SNTN: variants seen among roughly 807,000 people sequenced by gnomAD.
SNTN encodes sentan.
Under a neutral mutation model 12.3 loss-of-function variants are expected in SNTN, and 13 were observed. The ratio of observed to expected loss-of-function variants is 1.05; its 90% CI spans 0.69 to 1.67. SNTN has a LOEUF of 1.67. Among genes scored for constraint, SNTN ranks in the 40% most tolerant of loss-of-function variants. The pLI is 0.00. For synonymous variants in SNTN, 69 were observed against 58.5 expected (o/e 1.18, Z -0.82); for missense variants, 189 against 169.8 (o/e 1.11, Z -0.63).
intron 2 of SNTN, 40 bp from the exon 3 acceptor site, chr3:63,659,685 C>T: frequency 6.2e-7 from 1 of 1,611,476 alleles, no homozygotes; most frequent in Non-Finnish European, 8.5e-7. Context: ...AGGGTTATTT[C>T]TAACTCAGGA....
At chr3:63,654,898 A>G in intron 2 of SNTN, 102 bp downstream of exon 2, 1 of 1,060,686 alleles carries the variant, frequency 9.4e-7, no homozygotes, top group Non-Finnish European at 1.4e-6. Context: ...CCAGAGATGT[A>G]AGGGAACTTT....
intron 3 of SNTN, chr3:63,663,616 G>A: frequency 3.1e-6 from 1 of 324,586 alleles, no homozygotes; most frequent in Admixed American, 4.5e-5. Context: ...GTTACCACAA[G>A]AGCTGGTTGT....
At chr3:63,653,573 C>A in intron 1 of SNTN, among the ~76,000 whole-genome samples, 1 of 152,130 alleles carries the variant, frequency 6.6e-6, no homozygotes, top group Admixed American at 6.5e-5. Flanking sequence ...AGATCCTGAA[C>A]CCAAAAGTTC....
chr3:63,658,176 G>A (rs933897610), intron 2 of SNTN, among the ~76,000 whole-genome samples: 9 of 151,864 alleles, frequency 5.9e-5, no homozygotes, highest in Admixed American at 3.3e-4. Context: ...GAGACTTCAC[G>A]TATCCAGCTT....
At position 63,663,928 on chromosome 3, in the gene SNTN, T is replaced by C. The variant is rs763409940; in HGVS notation, c.286-9T>C. 3.1e-6 allele frequency: 5 copies of C among 1,608,196 alleles called. No homozygotes were observed. The highest frequency in any genetic ancestry group is 4.2e-6 in the Non-Finnish European group (5 of 1,178,280). On this transcript the variant is annotated splice_polypyrimidine_tract_variant and intron_variant, in intron 3 of 3. Transcript: ENST00000343837. Reference sequence around the variant, plus strand: ...AACGAATTCGGTTTTTATTTCTCCATTCTCACAGGGACAAGAAACCAAGCC... The same window carrying C: ...AACGAATTCGGTTTTTATTTCTCCACTCTCACAGGGACAAGAAACCAAGCC...
intron 3 of SNTN, among the ~76,000 whole-genome samples, chr3:63,660,958 C>G (rs1700737543): frequency 6.6e-6 from 1 of 152,108 alleles, no homozygotes; most frequent in Non-Finnish European, 1.5e-5. Context: ...CATTGAATAC[C>G]ATATTTAGTA....
chr3:63,659,814 A>T lies in SNTN; in HGVS notation c.235A>T (p.Lys79Ter). 1 of 1,614,048 alleles carries T rather than the reference A, an allele frequency of 6.2e-7. No individual in the cohort carries two copies. Among genetic ancestry groups the T allele is most frequent in the Non-Finnish European group, 8.5e-7 (1 of 1,179,942 alleles). The change falls in exon 3 of 4, where the codon AAA (lysine) becomes TAA (stop). Residue 79 changes from lysine to a stop codon, truncating the protein, a stop_gained. Coordinates refer to ENST00000343837, the MANE Select transcript of SNTN (RefSeq NM_001080537.2). LOFTEE classifies it high-confidence loss of function. ...NSSDSDGKLE[K>*]AIAKDLLQTQ... ...TTCTGACTCTGATGGTAAACTTGAA[A>T]AAGCTATTGCCAAAGATCTGCTGCA...
intron 2 of SNTN, among the ~76,000 whole-genome samples, chr3:63,659,389 T>C (rs951268101): frequency 6.6e-6 from 1 of 152,218 alleles, no homozygotes; most frequent in African/African-American, 2.4e-5. Flanking sequence ...GCCTCGTCCA[T>C]AGTACATGCT....
chr3:63,657,134 A>G (rs1157623365), intron 2 of SNTN, among the ~76,000 whole-genome samples: 1 of 152,204 alleles, frequency 6.6e-6, no homozygotes, highest in African/African-American at 2.4e-5. Flanking sequence ...GAACTATCAC[A>G]GGGCCTGGTA....
Position 63,652,786 on chromosome 3 carries a change from A to G in SNTN, c.99A>G (p.Lys33=), listed in dbSNP as rs1230996985. Reference sequence around the variant, plus strand: ...CAACATCCACCTGCGCACCTAGGAAAATGCCCAAAAGGTCAGTGGCACTTG... The same window carrying G: ...CAACATCCACCTGCGCACCTAGGAAGATGCCCAAAAGGTCAGTGGCACTTG... ...AAPTSTCAPR[K]MPKRISISKQ... Residue 33 remains lysine (K), a synonymous_variant, in exon 1 of 4, where the codon AAA becomes AAG. Transcript: ENST00000343837. The G allele has an allele frequency of 1.9e-6, 3 of 1,613,986 alleles. No individual in the cohort carries two copies. The highest frequency in any genetic ancestry group is 4.5e-5 in the East Asian group (2 of 44,870).
chr3:63,663,842 A>T, intron 3 of SNTN, 95 bp from the exon 4 acceptor site: 1 of 1,449,244 alleles, frequency 6.9e-7, no homozygotes, highest in Non-Finnish European at 9.6e-7. Context: ...GTATTCTATT[A>T]CAGCAACACT....
chr3:63,659,938 C>A, intron 3 of SNTN, 74 bp downstream of exon 3: 1 of 1,544,300 alleles, frequency 6.5e-7, no homozygotes. Context: ...ATAACTCCAG[C>A]TCCAGGTCCC....
Position 63,664,212 on chromosome 3 carries a change from T to A in SNTN, c.*117T>A. The stretch of plus-strand genomic sequence containing the variant: ...ATGCATCTGAAATTGCCTAGGATGG[T>A]TCTGATTGCTGGTATTCAGATCCAA... On this transcript the variant is annotated 3_prime_UTR_variant, in exon 4 of 4. Transcript: ENST00000343837. 3 of 999,724 alleles carry A rather than the reference T, an allele frequency of 3.0e-6. No homozygotes were observed. The highest frequency in any genetic ancestry group is 4.3e-6 in the Non-Finnish European group (3 of 699,274). 61.9% of individuals were successfully genotyped at this position (999,724 alleles called of 1,614,324 possible).
rs1221087815 is a variant in SNTN at position 63,665,172 on chromosome 3, T to C, written c.*1077T>C. Among the ~76,000 whole-genome samples, 1 of 152,192 alleles carries C rather than the reference T, an allele frequency of 6.6e-6. No homozygotes were observed. Among genetic ancestry groups the C allele is most frequent in the Non-Finnish European group, 1.5e-5 (1 of 68,042 alleles). Reference sequence around the variant, plus strand: ...ACACTGAAAAGAGTGAATTGTACTGTATGTCAATTATACCTAAATAAATCT... The same window carrying C: ...ACACTGAAAAGAGTGAATTGTACTGCATGTCAATTATACCTAAATAAATCT... On this transcript the variant is annotated 3_prime_UTR_variant, in exon 4 of 4. Coordinates refer to ENST00000343837, the MANE Select transcript of SNTN (RefSeq NM_001080537.2).
At chr3:63,659,165 A>G (rs1453468483) in intron 2 of SNTN, among the ~76,000 whole-genome samples, 2 of 152,204 alleles carry the variant, frequency 1.3e-5, no homozygotes, top group African/African-American at 4.8e-5. Flanking sequence ...TGCCCTATCA[A>G]GAAGCTTACC....
chr3:63,653,115 A>G (rs1052069129), intron 1 of SNTN, among the ~76,000 whole-genome samples: 2 of 152,216 alleles, frequency 1.3e-5, no homozygotes, highest in Admixed American at 1.3e-4. Flanking sequence ...ATTGTTTTAT[A>G]TTATTCAAAT....
intron 2 of SNTN, among the ~76,000 whole-genome samples, chr3:63,658,198 A>G (rs2106940892): frequency 6.6e-6 from 1 of 152,164 alleles, no homozygotes; most frequent in South Asian, 2.1e-4. Flanking sequence ...CCAAGCCTGG[A>G]ACATTCAGCA....
chr3:63,656,404 A>G (rs1700679983), intron 2 of SNTN, among the ~76,000 whole-genome samples: 1 of 152,188 alleles, frequency 6.6e-6, no homozygotes, highest in Admixed American at 6.6e-5. Flanking sequence ...TATAGCAGCC[A>G]CCAGCTTCAT....
intron 3 of SNTN, chr3:63,663,593 T>C: frequency 3.9e-6 from 1 of 255,070 alleles, no homozygotes; most frequent in Admixed American, 5.2e-5. Context: ...GTGAGTGAGT[T>C]CTCACTCTGT....
Sources: gnomAD v4.1 joint callset for allele counts (sites outside exome capture counted in the v4.1 genomes callset) on GRCh38, gnomAD v4.1.1 for gene constraint, MANE v1.5 for transcripts, NCBI Gene and HGNC (gene_info 2026-07-23, HGNC 2026-07-21) for gene names.